The following VAV2 variants were observed in gnomAD, a reference collection of about 807,000 sequenced individuals.
VAV2 encodes the protein guanine nucleotide exchange factor VAV2.
In VAV2, 67 loss-of-function variants were observed where a neutral mutation model predicts 132.5. The ratio of observed to expected loss-of-function variants is 0.51; its 90% CI spans 0.42 to 0.62. The LOEUF is 0.62. VAV2 is among the 20% of genes least tolerant of loss of function. The pLI is 0.00. For missense variants in VAV2, 938 were observed against 1,153.6 expected (o/e 0.81, Z 2.71); for synonymous variants, 492 against 443.5 (o/e 1.11, Z -1.37).
In VAV2 at chr9:133,904,585, ACAGGCATG is replaced by A. The variant is rs1222707040; in HGVS notation, c.321+34510_321+34517del. ...AAACGTGGGCACCAGGCACGTGGGCACAGGCATGCAGGCATGCAGCACACCCTCTCCCA... is the reference window on the plus strand; with the variant it reads ...AAACGTGGGCACCAGGCACGTGGGCACAGGCATGCAGCACACCCTCTCCCA... On this transcript the variant is annotated intron_variant, in intron 2 of 29. Transcript: ENST00000371850. Among the ~76,000 whole-genome samples, 5 of 152,390 alleles carry A rather than the reference ACAGGCATG, an allele frequency of 3.3e-5. No individual in the cohort carries two copies. In the East Asian group the frequency reaches 9.6e-4, roughly 29 times the overall value.
chr9:133,910,337 G>A (rs1839833355), intron 2 of VAV2, among the ~76,000 whole-genome samples: 1 of 152,172 alleles, frequency 6.6e-6, no homozygotes, highest in South Asian at 2.1e-4. Flanking sequence ...GTTTTTGTTA[G>A]AAGCAGTCAA....
At chr9:133,785,738 T>A (rs897789657) in intron 17 of VAV2, 38 bp downstream of exon 17, 5 of 1,596,370 alleles carry the variant, frequency 3.1e-6, no homozygotes, top group Middle Eastern at 1.9e-4. Flanking sequence ...ATACAACTCA[T>A]CTGCCAGGGA....
At chr9:133,947,821 A>G (rs1490846381) in intron 1 of VAV2, among the ~76,000 whole-genome samples, 1 of 150,076 alleles carries the variant, frequency 6.7e-6, no homozygotes, top group African/African-American at 2.4e-5. Flanking sequence ...ACAGAGTCTC[A>G]CTGCATCAAC....
intron 3 of VAV2, among the ~76,000 whole-genome samples, chr9:133,859,712 AAGG>A (rs1468446767): frequency 1.3e-5 from 2 of 152,358 alleles, no homozygotes; most frequent in East Asian, 1.9e-4. Context: ...GGCTGGTGGA[AAGG>A]AGAAGGAACC....
intron 2 of VAV2, among the ~76,000 whole-genome samples, chr9:133,902,212 A>T (rs945865636): frequency 6.6e-6 from 1 of 152,190 alleles, no homozygotes; most frequent in African/African-American, 2.4e-5. Flanking sequence ...TGGGATAGGA[A>T]CGGGCATCTG....
In VAV2 at chr9:133,857,483, T is replaced by C. The variant is rs150008738; in HGVS notation, c.380+3891A>G. Among the ~76,000 whole-genome samples the C allele has an allele frequency of 4.1e-4, 62 of 152,324 alleles. No individual in the cohort carries two copies. Among genetic ancestry groups the C allele is most frequent in the Middle Eastern group, 3.4e-3 (1 of 294 alleles). ...GAAAATGATTTTTTGAAGGAGCACG[T>C]TGGGCTCCTACCCAGCCATGAAATG... On this transcript the variant is annotated intron_variant, in intron 3 of 29. Transcript: ENST00000371850. This position sits in a 1 kb window ranked among gnomAD's most constrained non-coding sequence, Gnocchi z 4.0.
At chr9:133,975,836 G>C (rs927155338) in intron 1 of VAV2, among the ~76,000 whole-genome samples, 5 of 152,052 alleles carry the variant, frequency 3.3e-5, no homozygotes, top group African/African-American at 1.2e-4. Context: ...CAGGAGAGAG[G>C]GACCCAGGAA....
At chr9:133,988,127 C>T (rs1162651063) in intron 1 of VAV2, among the ~76,000 whole-genome samples, 2 of 152,222 alleles carry the variant, frequency 1.3e-5, no homozygotes, top group Admixed American at 6.5e-5. Context: ...GGCCTCCGGG[C>T]TAGACGGCCT....
chr9:133,892,478 A>T (rs1275395937), intron 2 of VAV2, among the ~76,000 whole-genome samples: 1 of 151,972 alleles, frequency 6.6e-6, no homozygotes, highest in Non-Finnish European at 1.5e-5. Context: ...CACACTGGGG[A>T]GGAGACAGAA....
intron 2 of VAV2, among the ~76,000 whole-genome samples, chr9:133,905,802 C>T (rs1372966464): frequency 6.6e-6 from 1 of 151,858 alleles, no homozygotes; most frequent in Non-Finnish European, 1.5e-5. Context: ...TTTGGGAGGC[C>T]GAGACAGGAG....
intron 1 of VAV2, among the ~76,000 whole-genome samples, chr9:133,976,268 G>T (rs549868153): frequency 9.9e-5 from 15 of 152,112 alleles, no homozygotes; most frequent in Non-Finnish European, 1.8e-4. Context: ...GATCCTTTCT[G>T]CAGCAGCTAG....
At chr9:133,812,309 C>A (rs552244444) in intron 4 of VAV2, 93 bp from the exon 5 acceptor site, 12 of 1,256,202 alleles carry the variant, frequency 9.6e-6, no homozygotes, top group Admixed American at 1.8e-5. Context: ...GGGACGCAGG[C>A]GGCTGGGGCC....
intron 1 of VAV2, among the ~76,000 whole-genome samples, chr9:133,941,608 T>TGGGGG (rs56802789): frequency 1.5e-5 from 2 of 135,542 alleles, no homozygotes; most frequent in African/African-American, 2.8e-5. Flanking sequence ...CACTTTTTTT[T>TGGGGG]GGGGGGGGGG....
chr9:133,797,707 T>G lies in VAV2; in HGVS notation c.936+3A>C, dbSNP rs778983476. 2 of 1,613,312 alleles carry G rather than the reference T, an allele frequency of 1.2e-6. No individual in the cohort carries two copies. Among genetic ancestry groups the G allele is most frequent in the Non-Finnish European group, 1.7e-6 (2 of 1,179,742 alleles). The stretch of plus-strand genomic sequence containing the variant: ...GCCAGGGCCAACGCCTGGCAGGACT[T>G]ACCTCGACTTTCTGCCTGAAGTCCT... On this transcript the variant is annotated splice_donor_region_variant and intron_variant, in intron 10 of 29. Transcript: ENST00000371850.
rs1167842583 is a variant in VAV2, at chr9:133,969,938, A to G, written c.204+22137T>C. On this transcript the variant is annotated intron_variant, in intron 1 of 29. Transcript: ENST00000371850. The surrounding 1 kb of genome is among the most constrained non-coding windows in gnomAD (Gnocchi z 5.1). ...CCAACCCTGCCCAGGGTTCCCTGGC[A>G]CACCCAGGATGAAGCCGGCCCTGCC... is the stretch of plus-strand genomic sequence containing the variant. 6.6e-6 allele frequency among the ~76,000 whole-genome samples: 1 copy of G among 152,038 alleles called. No individual in the cohort carries two copies. The highest frequency in any genetic ancestry group is 1.5e-5 in the Non-Finnish European group (1 of 67,974).
intron 2 of VAV2, among the ~76,000 whole-genome samples, chr9:133,899,946 G>A (rs1310322052): frequency 2.0e-5 from 3 of 150,920 alleles, no homozygotes; most frequent in Non-Finnish European, 3.0e-5. Flanking sequence ...GCGTGAACCC[G>A]GGAGGCGGAG....
intron 17 of VAV2, among the ~76,000 whole-genome samples, chr9:133,785,103 G>A (rs1280465315): frequency 6.6e-6 from 1 of 152,070 alleles, no homozygotes; most frequent in African/African-American, 2.4e-5. Flanking sequence ...CCAGGCCCTG[G>A]CCCTGCTGTG....
chr9:133,779,993 G>C, intron 20 of VAV2, 54 bp from the exon 21 acceptor site: 1 of 1,608,448 alleles, frequency 6.2e-7, no homozygotes, highest in Non-Finnish European at 8.5e-7. Context: ...CTTTGACTGT[G>C]GCCCATGCAT....
At chr9:133,944,243 C>T (rs984271930) in intron 1 of VAV2, among the ~76,000 whole-genome samples, 1 of 152,198 alleles carries the variant, frequency 6.6e-6, no homozygotes, top group Admixed American at 6.5e-5. Flanking sequence ...TATGTGGGCC[C>T]TTCCACTGCC....
Sources: gnomAD v4.1 joint callset for allele counts (sites outside exome capture counted in the v4.1 genomes callset) on GRCh38, gnomAD v4.1.1 for gene constraint, Gnocchi (gnomAD v3.1) non-coding constraint, MANE v1.5 for transcripts, NCBI Gene and HGNC (gene_info 2026-07-23, HGNC 2026-07-21) for gene names.